SASH1: variants seen among roughly 807,000 people sequenced by gnomAD.
SASH1 encodes SAM and SH3 domain-containing protein 1.
In SASH1, 44 loss-of-function variants were observed where a neutral mutation model predicts 125.2. That is an observed-to-expected ratio of 0.35 (90% confidence interval 0.28 to 0.45). The LOEUF is 0.45. Ranked by LOEUF, SASH1 falls within the 20% of genes least tolerant of loss-of-function variation. The pLI is 1.00. For missense variants in SASH1, 1,426 were observed against 1,614.5 expected, an observed-to-expected ratio of 0.88 and a Z score of 2.00; for synonymous variants, 639 against 649.1, an observed-to-expected ratio of 0.98 and a Z score of 0.24.
chr6:148,271,599 TG>T (rs1179851859), upstream of SASH1, among the ~76,000 whole-genome samples: 1 of 152,238 alleles, frequency 6.6e-6, no homozygotes, highest in Non-Finnish European at 1.5e-5. Context: ...TTCATGTTTT[TG>T]TAACTTCTTT....
chr6:148,306,725 A>G (rs1780138402), intron 1 of SASH1, among the ~76,000 whole-genome samples: 1 of 152,064 alleles, frequency 6.6e-6, no homozygotes, highest in African/African-American at 2.4e-5. Context: ...TTTCTTCTTC[A>G]TTCCTCCTTT....
rs1221687481 is a variant in SASH1, at chr6:148,532,643, A to G, written c.1565-154A>G. On this transcript the variant is annotated intron_variant, in intron 13 of 19. Transcript: ENST00000367467. This position sits in a 1 kb window ranked among gnomAD's most constrained non-coding sequence, Gnocchi z 4.7. ...AGGGATAGCACTCGGAGAATTCATAACTGGGCCCTGCCCTGGTCCTGACAG... is the reference window on the plus strand; with the variant it reads ...AGGGATAGCACTCGGAGAATTCATAGCTGGGCCCTGCCCTGGTCCTGACAG... Among the ~76,000 whole-genome samples, 5 of 152,198 alleles carry G rather than the reference A, an allele frequency of 3.3e-5. No individual in the cohort carries two copies. Among genetic ancestry groups the G allele is most frequent in the Non-Finnish European group, 7.3e-5 (5 of 68,032 alleles).
chr6:148,420,598 G>C (rs77558550), intron 2 of SASH1, among the ~76,000 whole-genome samples: 30,977 of 151,978 alleles, frequency 0.2, 3,256 homozygotes, highest in East Asian at 0.28. Flanking sequence ...ATGACTTCAA[G>C]CTGTATGCTG....
intron 2 of SASH1, among the ~76,000 whole-genome samples, chr6:148,421,183 AAG>A (rs1292607310): frequency 2.7e-5 from 4 of 146,980 alleles, no homozygotes; most frequent in African/African-American, 7.4e-5. Flanking sequence ...GAAAGAAAGA[AAG>A]AAAGAAAGAA....
intron 1 of SASH1, among the ~76,000 whole-genome samples, chr6:148,322,172 G>A (rs1194490069): frequency 2.0e-5 from 3 of 151,968 alleles, no homozygotes; most frequent in Non-Finnish European, 4.4e-5. Flanking sequence ...CCAACATGGT[G>A]AAACTCCATC....
chr6:148,239,131 A>G, the SASH1 span, among the ~76,000 whole-genome samples: 1 of 152,190 alleles, frequency 6.6e-6, no homozygotes, highest in Non-Finnish European at 1.5e-5. Flanking sequence ...TATTTGAGGT[A>G]GGGCTTTGCG....
In SASH1 at chr6:148,531,632, G is replaced by C. The variant is rs534390155; in HGVS notation, c.1535G>C (p.Arg512Pro). 1.3e-6 allele frequency: 2 copies of C among 1,561,684 alleles called. No individual in the cohort carries two copies. The highest frequency in any genetic ancestry group is 1.2e-5 in the South Asian group (1 of 82,886). Residue 512 changes from arginine to proline, a missense_variant, in exon 13 of 20, where the codon CGC becomes CCC. This residue lies in a region of SASH1 where 225 missense variants were observed against 344.5 expected (regional missense o/e 0.65). Transcript: ENST00000367467. The stretch of plus-strand genomic sequence containing the variant: ...GCCGGGGGTTCTGTAGAAAGTCTTC[G>C]CAGTTCTCTCAGTGGGCAGAGCTCC... ...LKAGGSVESL[R>P]SSLSGQSSMS...
At chr6:148,288,477 T>C (rs535058292) in intron 1 of SASH1, among the ~76,000 whole-genome samples, 1 of 152,244 alleles carries the variant, frequency 6.6e-6, no homozygotes, top group South Asian at 2.1e-4. Context: ...GAGGAAGGGG[T>C]TGAACTACCT....
At chr6:148,259,362 T>G in the SASH1 span, among the ~76,000 whole-genome samples, 1 of 152,234 alleles carries the variant, frequency 6.6e-6, no homozygotes, top group African/African-American at 2.4e-5. Context: ...TTTGTTCTAC[T>G]GAACTGCACG....
intron 1 of SASH1, among the ~76,000 whole-genome samples, chr6:148,318,797 C>A (rs925706971): frequency 6.6e-6 from 1 of 151,906 alleles, no homozygotes; most frequent in Non-Finnish European, 1.5e-5. Flanking sequence ...GTGATCCGCC[C>A]GCCTCAGCCT....
intron 8 of SASH1, among the ~76,000 whole-genome samples, chr6:148,512,180 A>G (rs890593292): frequency 9.9e-5 from 15 of 151,926 alleles, no homozygotes; most frequent in Non-Finnish European, 1.6e-4. Context: ...CACCACGCCC[A>G]GCTAATTTTT....
At chr6:148,417,028 G>A (rs996770023) in intron 2 of SASH1, among the ~76,000 whole-genome samples, 29 of 152,194 alleles carry the variant, frequency 1.9e-4, no homozygotes, top group African/African-American at 6.8e-4. Context: ...CCATATTTGT[G>A]TGTCTGCTCA....
At chr6:148,382,945 C>T (rs1468089662) in intron 1 of SASH1, among the ~76,000 whole-genome samples, 2 of 152,210 alleles carry the variant, frequency 1.3e-5, no homozygotes, top group African/African-American at 2.4e-5. Flanking sequence ...TGTCGTTACA[C>T]GTTAAAACTT....
chr6:148,462,981 G>C (rs1291052124), intron 4 of SASH1, among the ~76,000 whole-genome samples: 1 of 151,976 alleles, frequency 6.6e-6, no homozygotes, highest in East Asian at 1.9e-4. Context: ...GCATTTGAGA[G>C]GTGGAATTCT....
chr6:148,384,456 CTTA>C (rs1195229669), intron 1 of SASH1, among the ~76,000 whole-genome samples: 1 of 152,038 alleles, frequency 6.6e-6, no homozygotes, highest in Non-Finnish European at 1.5e-5. Flanking sequence ...GATTTTAAGT[CTTA>C]TTATAGTTAC....
intron 1 of SASH1, among the ~76,000 whole-genome samples, chr6:148,277,047 G>A (rs771963354): frequency 6.6e-6 from 1 of 152,262 alleles, no homozygotes; most frequent in Admixed American, 6.5e-5. Context: ...ACACGGTGTG[G>A]TAGACACATA....
At chr6:148,267,503 C>T (rs536836975), upstream of SASH1, among the ~76,000 whole-genome samples, 1 of 151,974 alleles carries the variant, frequency 6.6e-6, no homozygotes, top group South Asian at 2.1e-4. Flanking sequence ...CTCAGCCTCC[C>T]GAGTAGCTGG....
At chr6:148,378,244 G>A (rs1322044568) in intron 1 of SASH1, among the ~76,000 whole-genome samples, 1 of 152,012 alleles carries the variant, frequency 6.6e-6, no homozygotes, top group African/African-American at 2.4e-5. Flanking sequence ...AGTAAAGGCG[G>A]GGTTTCACCA....
At position 148,532,667 on chromosome 6, in the gene SASH1, A is replaced by G. The variant is rs1781590886; in HGVS notation, c.1565-130A>G. 2 of 1,062,476 alleles carry G rather than the reference A, an allele frequency of 1.9e-6. No individual in the cohort carries two copies. The highest frequency in any genetic ancestry group is 2.2e-4 in the Middle Eastern group (1 of 4,644). 65.8% of individuals were successfully genotyped at this position (1,062,476 alleles called of 1,614,324 possible). On this transcript the variant is annotated intron_variant, in intron 13 of 19. Coordinates refer to ENST00000367467, the MANE Select transcript of SASH1 (RefSeq NM_015278.5). The surrounding 1 kb of genome is among the most constrained non-coding windows in gnomAD (Gnocchi z 4.7). ...AACTGGGCCCTGCCCTGGTCCTGAC[A>G]GAGGGTTGTGGCTCAAGGCTTCCTT...
Sources: allele counts gnomAD v4.1 joint callset (sites outside exome capture counted in the v4.1 genomes callset), GRCh38; gene constraint gnomAD v4.1.1; regional missense constraint gnomAD v4.1.1; non-coding constraint Gnocchi (gnomAD v3.1); transcripts MANE v1.5; gene names NCBI Gene and HGNC (gene_info 2026-07-23, HGNC 2026-07-21).